RALGPS1: variants seen among roughly 807,000 people sequenced by gnomAD.
RALGPS1 encodes the protein Ral GEF with PH domain and SH3 binding motif 1.
In RALGPS1, 19 loss-of-function variants were observed where a neutral mutation model predicts 78.8. The ratio of observed to expected loss-of-function variants is 0.24; its 90% CI spans 0.17 to 0.35. The LOEUF (loss-of-function observed/expected upper bound fraction) is 0.35, where lower values mean the gene tolerates loss of function less well. Among genes scored for constraint, RALGPS1 ranks in the 10% least tolerant of loss-of-function variants. The pLI is 1.00. For missense variants in RALGPS1, 454 were observed against 688.3 expected, an observed-to-expected ratio of 0.66 and a Z score of 3.81; for synonymous variants, 228 against 256.3, an observed-to-expected ratio of 0.89 and a Z score of 1.06.
At chr9:126,968,648 A>T (rs1340738124) in intron 3 of RALGPS1, among the ~76,000 whole-genome samples, 1 of 152,238 alleles carries the variant, frequency 6.6e-6, no homozygotes, top group Non-Finnish European at 1.5e-5. Context: ...GTCTCTTCAC[A>T]CAGATAGTAC....
At position 127,183,939 on chromosome 9, in the gene RALGPS1, A is replaced by T. The variant is rs752997747; in HGVS notation, c.910+9157A>T. 6.5e-7 allele frequency: 1 copy of T among 1,550,288 alleles called. No homozygotes were observed. Among genetic ancestry groups the T allele is most frequent in the Non-Finnish European group, 8.7e-7 (1 of 1,146,956 alleles). ...AGACTCAAACCCACCTCTGGCCAAC[A>T]CCCTGCCTGGATGTGGCCCAGCTCC... On this transcript the variant is annotated intron_variant, in intron 11 of 18. Transcript: ENST00000259351. This position sits in a 1 kb window ranked among gnomAD's most constrained non-coding sequence, Gnocchi z 4.0.
chr9:127,116,487 G>A (rs890946845), intron 8 of RALGPS1, among the ~76,000 whole-genome samples: 13 of 152,228 alleles, frequency 8.5e-5, no homozygotes, highest in African/African-American at 2.2e-4. Flanking sequence ...GAGCAGAGGC[G>A]GGGAAGAGTC....
intron 11 of RALGPS1, among the ~76,000 whole-genome samples, chr9:127,188,056 CTTTTTTTTTTTT>C (rs35971647): frequency 2.4e-5 from 2 of 81,702 alleles, no homozygotes; most frequent in African/African-American, 4.8e-5. Flanking sequence ...GAATTAGAGC[CTTTTTTTTTTTT>C]TTTTTTTTTT....
chr9:127,074,360 T>A (rs1054293171), intron 8 of RALGPS1, among the ~76,000 whole-genome samples: 1 of 152,234 alleles, frequency 6.6e-6, no homozygotes, highest in African/African-American at 2.4e-5. Flanking sequence ...TTTGCATCTT[T>A]CCTTGTTTTC....
At chr9:127,014,037 G>A (rs1233043148) in intron 4 of RALGPS1, among the ~76,000 whole-genome samples, 1 of 152,200 alleles carries the variant, frequency 6.6e-6, no homozygotes, top group Admixed American at 6.5e-5. Flanking sequence ...CCTAAGCTTT[G>A]CACAGTGCTG....
chr9:127,133,842 G>T (rs1318427492), intron 8 of RALGPS1, among the ~76,000 whole-genome samples: 1 of 152,062 alleles, frequency 6.6e-6, no homozygotes, highest in Non-Finnish European at 1.5e-5. Context: ...TTTGGGCCTG[G>T]TCTCTGTGGT....
At chr9:126,969,243 G>T (rs1046194617) in intron 3 of RALGPS1, among the ~76,000 whole-genome samples, 2 of 152,144 alleles carry the variant, frequency 1.3e-5, no homozygotes, top group African/African-American at 2.4e-5. Context: ...GTGTGTGTAT[G>T]TAAGAGACAA....
chr9:126,991,735 G>A (rs2042299791), intron 4 of RALGPS1, among the ~76,000 whole-genome samples: 2 of 152,204 alleles, frequency 1.3e-5, no homozygotes, highest in African/African-American at 4.8e-5. Flanking sequence ...CTGTAAAGTG[G>A]AAATGATACC....
At chr9:127,147,298 T>C (rs2058148089) in intron 8 of RALGPS1, among the ~76,000 whole-genome samples, 1 of 152,246 alleles carries the variant, frequency 6.6e-6, no homozygotes, top group South Asian at 2.1e-4. Context: ...ATGCATAATT[T>C]GTGAATATCA....
intron 8 of RALGPS1, chr9:127,108,171 G>A: frequency 1.2e-6 from 2 of 1,614,130 alleles, no homozygotes; most frequent in Non-Finnish European, 1.7e-6. Flanking sequence ...GGGCCAGTGT[G>A]GCCAGGTGCT....
intron 8 of RALGPS1, among the ~76,000 whole-genome samples, chr9:127,144,673 A>G (rs2057993068): frequency 6.6e-6 from 1 of 152,254 alleles, no homozygotes; most frequent in Non-Finnish European, 1.5e-5. Flanking sequence ...TCAGCCATAA[A>G]GGCAGTGAAG....
At chr9:127,053,720 G>GT (rs2135426499) in intron 7 of RALGPS1, among the ~76,000 whole-genome samples, 1 of 152,316 alleles carries the variant, frequency 6.6e-6, no homozygotes, top group South Asian at 2.1e-4. Context: ...CTGCCAGTCT[G>GT]TGGGGCTGGG....
rs2038958928 is a variant in RALGPS1 at position 126,962,275 on chromosome 9, T to C, written c.-15T>C. ...CTGCAGAGGCTGCCCTGAAGCTCCC[T>C]GTGGCCTGGAGACTATGTACAAGAG... On this transcript the variant is annotated 5_prime_UTR_variant, in exon 2 of 19. Coordinates refer to ENST00000259351, the MANE Select transcript of RALGPS1 (RefSeq NM_014636.3). 1 of 1,614,066 alleles carries C rather than the reference T, an allele frequency of 6.2e-7. No individual in the cohort carries two copies.
chr9:127,183,855 T>C lies in RALGPS1; in HGVS notation c.910+9073T>C, dbSNP rs1392050740. On this transcript the variant is annotated intron_variant, in intron 11 of 18. Transcript: ENST00000259351. The surrounding 1 kb of genome is among the most constrained non-coding windows in gnomAD (Gnocchi z 4.0). ...CATTACTCTGGGATTTCACATCTCC[T>C]TTGTTCTTGAGTCTCCCATCTCAGC... is the stretch of plus-strand genomic sequence containing the variant. The C allele has an allele frequency of 1.3e-6, 2 of 1,544,430 alleles. No individual in the cohort carries two copies. The highest frequency in any genetic ancestry group is 1.7e-6 in the Non-Finnish European group (2 of 1,144,386).
chr9:126,917,179 G>GTGC (rs1276260050), intron 1 of RALGPS1, among the ~76,000 whole-genome samples: 1 of 152,168 alleles, frequency 6.6e-6, no homozygotes, highest in African/African-American at 2.4e-5. Context: ...ACTGGTGCCT[G>GTGC]TGCTTGTGTG....
At chr9:126,967,464 T>C (rs548050117) in intron 3 of RALGPS1, among the ~76,000 whole-genome samples, 1 of 152,368 alleles carries the variant, frequency 6.6e-6, no homozygotes, top group East Asian at 1.9e-4. Flanking sequence ...GTAGCATCTT[T>C]CCATCATTAT....
chr9:126,996,666 T>C (rs2042796260), intron 4 of RALGPS1, among the ~76,000 whole-genome samples: 1 of 152,174 alleles, frequency 6.6e-6, no homozygotes, highest in Non-Finnish European at 1.5e-5. Flanking sequence ...GAGGGAATCC[T>C]CCCTAACTCA....
rs1480317579 is a variant in RALGPS1, at chr9:127,091,251, A to G, written c.610+21895A>G. ...GAGATTTAGCAGTATGCCCAAGGACACATGGCTGGTAGGAGGTGGGGCCAG... is the reference window on the plus strand; with the variant it reads ...GAGATTTAGCAGTATGCCCAAGGACGCATGGCTGGTAGGAGGTGGGGCCAG... On this transcript the variant is annotated intron_variant, in intron 8 of 18. Coordinates refer to ENST00000259351, the MANE Select transcript of RALGPS1 (RefSeq NM_014636.3). This position sits in a 1 kb window ranked among gnomAD's most constrained non-coding sequence, Gnocchi z 4.3. Among the ~76,000 whole-genome samples, 1 of 152,248 alleles carries G rather than the reference A, an allele frequency of 6.6e-6. No homozygotes were observed. Among genetic ancestry groups the G allele is most frequent in the African/African-American group, 2.4e-5 (1 of 41,464 alleles).
At chr9:127,132,506 C>G (rs1169485641) in intron 8 of RALGPS1, among the ~76,000 whole-genome samples, 2 of 152,230 alleles carry the variant, frequency 1.3e-5, no homozygotes, top group Admixed American at 1.3e-4. Context: ...CTCCCCAGCA[C>G]GCTGTAAGGG....
Sources: allele counts gnomAD v4.1 joint callset (sites outside exome capture counted in the v4.1 genomes callset), GRCh38; gene constraint gnomAD v4.1.1; non-coding constraint Gnocchi (gnomAD v3.1); transcripts MANE v1.5; gene names NCBI Gene and HGNC (gene_info 2026-07-23, HGNC 2026-07-21).